Variants in TSPAN10 observed in about 807,000 individuals in gnomAD.
TSPAN10 encodes the protein tetraspanin-10.
In TSPAN10, 11 loss-of-function variants were observed where a neutral mutation model predicts 15.0. The observed-to-expected ratio is 0.73, with a 90% CI of 0.46 to 1.21. The LOEUF (loss-of-function observed/expected upper bound fraction) is 1.21. Among genes scored for constraint, TSPAN10 ranks in the 50% most tolerant of loss-of-function variants. The pLI is 0.00. For synonymous variants in TSPAN10, 241 were observed against 226.2 expected (o/e 1.07, Z -0.59); for missense variants, 486 against 470.6 (o/e 1.03, Z -0.30).
intron 2 of TSPAN10, chr17:81,646,504 C>T (rs1390004368): frequency 6.6e-6 from 1 of 151,564 alleles, no homozygotes; most frequent in Non-Finnish European, 1.5e-5. Context: ...ACGATGAAAC[C>T]CCGTCTCTAC....
At chr17:81,641,537 C>G (rs1396856840), upstream of TSPAN10, among the ~76,000 whole-genome samples, 3 of 152,052 alleles carry the variant, frequency 2.0e-5, no homozygotes, top group African/African-American at 7.2e-5. Context: ...AGGCGTCTCA[C>G]GCGCGCCTGA....
At chr17:81,642,285 C>A (rs1369192616), upstream of TSPAN10, 1 of 1,056,404 alleles carries the variant, frequency 9.5e-7, no homozygotes, top group Non-Finnish European at 1.4e-6. Flanking sequence ...CATTCCCATG[C>A]CCAGGGCTGC....
At chr17:81,641,172 A>T (rs78962084), upstream of TSPAN10, among the ~76,000 whole-genome samples, 2 of 151,968 alleles carry the variant, frequency 1.3e-5, no homozygotes, top group African/African-American at 4.8e-5. Flanking sequence ...TCTCAAAAAA[A>T]AAAAGGTTAC....
intron 1 of TSPAN10, 105 bp downstream of exon 2, chr17:81,642,553 GC>G: frequency 8.6e-7 from 1 of 1,162,604 alleles, no homozygotes; most frequent in Non-Finnish European, 1.2e-6. Flanking sequence ...TGCCCCTGGT[GC>G]CACCCCACAC....
intron 2 of TSPAN10, 154 bp downstream of exon 3, chr17:81,645,783 A>C: frequency 1.0e-6 from 1 of 983,786 alleles, no homozygotes; most frequent in Non-Finnish European, 1.5e-6. Flanking sequence ...GCATATCCAC[A>C]CTGGCACGTC....
At chr17:81,645,074 C>T (rs770610273) in exon 2 of TSPAN10, 4 of 1,594,186 alleles carry the variant, frequency 2.5e-6, no homozygotes, top group Non-Finnish European at 2.6e-6. Context: ...GAGGACCAGG[C>T]GGAGGCCTGG....
upstream of TSPAN10, chr17:81,637,515 C>A (rs1405125488): frequency 3.1e-6 from 2 of 638,536 alleles, no homozygotes; most frequent in Non-Finnish European, 5.7e-6. Context: ...AACTGCATTT[C>A]AGGCCGGGCG....
chr17:81,645,086 G>T, exon 2 of TSPAN10: 1 of 1,592,402 alleles, frequency 6.3e-7, no homozygotes. Context: ...GAGGCCTGGG[G>T]CTGCAGCTGC....
intron 1 of TSPAN10, among the ~76,000 whole-genome samples, chr17:81,644,149 C>T (rs1474082121): frequency 1.3e-5 from 2 of 151,996 alleles, no homozygotes; most frequent in Non-Finnish European, 1.5e-5. Context: ...ACGTCCAGCC[C>T]GGCCATAGCT....
chr17:81,639,998 A>C (rs962064284), upstream of TSPAN10, among the ~76,000 whole-genome samples: 43 of 151,608 alleles, frequency 2.8e-4, no homozygotes, highest in Admixed American at 1.4e-3. Flanking sequence ...AAAAAAAAGA[A>C]AAGACTGGGG....
chr17:81,639,586 C>CT (rs137912261), upstream of TSPAN10, among the ~76,000 whole-genome samples: 6,980 of 148,566 alleles, frequency 0.047, 281 homozygotes, highest in East Asian at 0.22. Flanking sequence ...TTGTTTTCTT[C>CT]TTTTTTTTTT....
At chr17:81,642,995 T>TTA (rs71968441) in intron 1 of TSPAN10, among the ~76,000 whole-genome samples, 5,893 of 142,908 alleles carry the variant, frequency 0.041, 123 homozygotes, top group Non-Finnish European at 0.05. Flanking sequence ...CTACAAAATA[T>TTA]TATATATATA....
At chr17:81,648,053 T>C in exon 3 of TSPAN10, 1 of 1,579,842 alleles carries the variant, frequency 6.3e-7, no homozygotes. Context: ...GTGGTGTACC[T>C]GGAGGGCTGC....
At position 81,643,170 on chromosome 17, in the gene TSPAN10, A is replaced by G. The variant is rs922005041; in HGVS notation, c.36+722A>G. On this transcript the variant is annotated intron_variant, in intron 1 of 2. Transcript: ENST00000611590. ...CAGGCACATGCCACCACACCCAGCTAATTTTTTTTAGTCGAGACAGGGTTT... is the reference window on the plus strand; with the variant it reads ...CAGGCACATGCCACCACACCCAGCTGATTTTTTTTAGTCGAGACAGGGTTT... 2.0e-5 allele frequency among the ~76,000 whole-genome samples: 3 copies of G among 150,316 alleles called. No homozygotes were observed. The East Asian group carries it at 5.9e-4, about 29-fold the overall frequency.
Position 81,642,470 on chromosome 17 carries a change from T to A in TSPAN10, c.36+22T>A, listed in dbSNP as rs766228230. ...CCAGGTGAGCCATGCCAAGTGGCCT[T>A]GCCCTGAGGTTGGAGATGTCCCCAG... On this transcript the variant is annotated intron_variant, in intron 1 of 2. Coordinates refer to ENST00000611590, the Ensembl canonical transcript of TSPAN10. 3.1e-6 allele frequency: 5 copies of A among 1,598,504 alleles called. No individual in the cohort carries two copies. The Admixed American group carries it at 8.5e-5, about 27-fold the overall frequency.
rs1483138082 is a variant in TSPAN10, at chr17:81,646,692, G to GAA, written c.674+1066_674+1067dup. ...GAGACTCTGTCTCAAAAAAAAAAAA[G>GAA]AAAAGAAAATGACTTTTAGGTGAAT... On this transcript the variant is annotated intron_variant, in intron 2 of 2. Transcript: ENST00000611590. 4 of 138,738 alleles carry GAA rather than the reference G, an allele frequency of 2.9e-5. No individual in the cohort carries two copies. The Admixed American group carries it at 2.9e-4, about 10-fold the overall frequency. 8.6% of individuals were successfully genotyped at this position (138,738 alleles called of 1,614,324 possible).
chr17:81,642,370 C>A (rs747433720), upstream of TSPAN10: 10 of 1,612,940 alleles, frequency 6.2e-6, no homozygotes, highest in Admixed American at 1.5e-4. Context: ...CAGCGAACCT[C>A]TCCCGGCGCC....
In TSPAN10 at chr17:81,648,223, G is replaced by A. The variant is rs2036286203; in HGVS notation, c.997G>A (p.Gly333Arg). 5 of 1,286,958 alleles carry A rather than the reference G, an allele frequency of 3.9e-6. No homozygotes were observed. The Admixed American group carries it at 1.7e-4, about 44-fold the overall frequency. The allele number at this position is 1,286,958 out of a possible 1,614,324, so 79.7% of individuals were successfully genotyped here. ...GGCGGCGTACGGCCCCGGAGCGCGC[G>A]GGGAGGACCGCGCTGGCCCCCAGAG... Residue 333 changes from glycine to arginine, a missense_variant, in exon 3 of 3, where the codon GGG becomes AGG. Transcript: ENST00000611590.
chr17:81,648,564 C>G (rs1018611436), downstream of TSPAN10: 3 of 282,180 alleles, frequency 1.1e-5, no homozygotes, highest in African/African-American at 2.2e-5. Context: ...ACCTCCGAGC[C>G]CCCACTCCCA....
Sources: allele counts gnomAD v4.1 joint callset (sites outside exome capture counted in the v4.1 genomes callset), GRCh38; gene constraint gnomAD v4.1.1; transcripts MANE v1.5; gene names NCBI Gene and HGNC (gene_info 2026-07-23, HGNC 2026-07-21).